Variants in LRRTM4 observed in about 807,000 individuals in gnomAD.
LRRTM4 encodes the protein leucine-rich repeat transmembrane neuronal protein 4.
A neutral mutation model predicts 47.6 loss-of-function variants in LRRTM4; 25 were observed. The observed-to-expected ratio is 0.53, with a 90% CI of 0.38 to 0.73. LRRTM4 has a LOEUF of 0.73. LRRTM4 is among the 30% of genes least tolerant of loss of function. The pLI is 0.00. For synonymous variants in LRRTM4, 311 were observed against 269.5 expected (o/e 1.15, Z -1.51); for missense variants, 638 against 713.4 (o/e 0.89, Z 1.20).
At position 77,081,455 on chromosome 2, in the gene LRRTM4, G is replaced by C. The variant is rs535141693; in HGVS notation, c.1552-332539C>G. On this transcript the variant is annotated intron_variant, in intron 3 of 3. Transcript: ENST00000409884. ...CATAGAAAGTTAATGAATAGAAAAT[G>C]AAATAAAAATCACTGATATATATAT... Among the ~76,000 whole-genome samples, 23 of 151,772 alleles carry C rather than the reference G, an allele frequency of 1.5e-4. 1 individual carries two copies. In the South Asian group the frequency reaches 4.4e-3, roughly 29 times the overall value.
At chr2:76,779,193 G>T (rs568919002) in intron 3 of LRRTM4, among the ~76,000 whole-genome samples, 13 of 151,978 alleles carry the variant, frequency 8.6e-5, no homozygotes, top group Admixed American at 3.3e-4. Context: ...ATGTGGTCAT[G>T]TTTGGAATAG....
intron 3 of LRRTM4, among the ~76,000 whole-genome samples, chr2:77,284,665 G>C (rs902367994): frequency 1.3e-5 from 2 of 152,106 alleles, no homozygotes; most frequent in Non-Finnish European, 2.9e-5. Flanking sequence ...CTAGAAGTTA[G>C]TGATGGAGTT....
At chr2:77,352,626 T>C (rs1671827813) in intron 3 of LRRTM4, among the ~76,000 whole-genome samples, 1 of 152,104 alleles carries the variant, frequency 6.6e-6, no homozygotes, top group Non-Finnish European at 1.5e-5. Flanking sequence ...ATGTGAGTTA[T>C]TGGTCTAAAT....
At chr2:77,352,103 A>G (rs1298361438) in intron 3 of LRRTM4, among the ~76,000 whole-genome samples, 1 of 152,154 alleles carries the variant, frequency 6.6e-6, no homozygotes, top group African/African-American at 2.4e-5. Flanking sequence ...ATGAGGGAAG[A>G]TTCTATTATT....
At chr2:77,094,037 G>A (rs926147808) in intron 3 of LRRTM4, among the ~76,000 whole-genome samples, 40 of 151,924 alleles carry the variant, frequency 2.6e-4, no homozygotes, top group African/African-American at 9.7e-4. Flanking sequence ...GATTGTTTCT[G>A]TTTGCTGATG....
rs534845098 is a variant in LRRTM4, at chr2:77,075,818, G to A, written c.1552-326902C>T. Among the ~76,000 whole-genome samples, 41 of 145,336 alleles carry A rather than the reference G, an allele frequency of 2.8e-4. 1 individual carries two copies. The highest frequency in any genetic ancestry group is 1.4e-3 in the Admixed American group (20 of 14,352). ...TAGTCCCAGCTACTTGGGAGGCTGA[G>A]GCAGGAGAATGGCGTGAACCCGGGA... On this transcript the variant is annotated intron_variant, in intron 3 of 3. Transcript: ENST00000409884.
intron 3 of LRRTM4, among the ~76,000 whole-genome samples, chr2:76,988,722 C>A (rs987531264): frequency 6.6e-6 from 1 of 151,780 alleles, no homozygotes; most frequent in African/African-American, 2.4e-5. Context: ...CAAGAACTCT[C>A]GTCAGTTCCA....
At chr2:77,361,119 C>T (rs1194122142) in intron 3 of LRRTM4, among the ~76,000 whole-genome samples, 3 of 151,968 alleles carry the variant, frequency 2.0e-5, no homozygotes, top group Non-Finnish European at 4.4e-5. Context: ...CAATATGTCC[C>T]TAGTTGGTTC....
At chr2:76,938,827 A>C (rs1195070685) in intron 3 of LRRTM4, among the ~76,000 whole-genome samples, 2 of 152,148 alleles carry the variant, frequency 1.3e-5, no homozygotes, top group Admixed American at 1.3e-4. Context: ...AAAATATTTC[A>C]AATTATTCAT....
intron 3 of LRRTM4, among the ~76,000 whole-genome samples, chr2:76,903,696 A>T (rs1160452601): frequency 6.6e-6 from 1 of 152,250 alleles, no homozygotes; most frequent in Non-Finnish European, 1.5e-5. Flanking sequence ...TGTAACTAGG[A>T]TAAATCAAAA....
intron 3 of LRRTM4, among the ~76,000 whole-genome samples, chr2:77,171,114 C>A (rs936344630): frequency 6.6e-6 from 1 of 151,750 alleles, no homozygotes; most frequent in African/African-American, 2.4e-5. Flanking sequence ...TTTGACGGTA[C>A]CAGCTTAATG....
chr2:76,770,839 C>T (rs999728548), intron 3 of LRRTM4, among the ~76,000 whole-genome samples: 10 of 152,132 alleles, frequency 6.6e-5, no homozygotes, highest in South Asian at 4.1e-4. Context: ...AATTGTTTCT[C>T]GATCCCTTGG....
intron 3 of LRRTM4, among the ~76,000 whole-genome samples, chr2:76,998,155 C>G (rs1677270417): frequency 6.6e-6 from 1 of 152,108 alleles, no homozygotes; most frequent in African/African-American, 2.4e-5. Context: ...CTCCCCATGT[C>G]TGTGGAAAAA....
At chr2:76,989,828 G>A (rs1676941134) in intron 3 of LRRTM4, 2 of 151,780 alleles carry the variant, frequency 1.3e-5, no homozygotes, top group East Asian at 1.9e-4. Flanking sequence ...AAGTATTTAA[G>A]ATTTGGTTTA....
intron 3 of LRRTM4, among the ~76,000 whole-genome samples, chr2:77,189,159 T>C (rs910222736): frequency 2.0e-5 from 3 of 151,972 alleles, no homozygotes; most frequent in Non-Finnish European, 4.4e-5. Flanking sequence ...TAGTAATGAA[T>C]AAAAAGTAAA....
chr2:76,881,770 C>CCA (rs1208934875), intron 3 of LRRTM4, among the ~76,000 whole-genome samples: 1 of 151,814 alleles, frequency 6.6e-6, no homozygotes, highest in African/African-American at 2.4e-5. Flanking sequence ...CATTTTTGTT[C>CCA]CAGCATATAT....
chr2:77,307,091 G>A (rs1040332640), intron 3 of LRRTM4, among the ~76,000 whole-genome samples: 9 of 151,436 alleles, frequency 5.9e-5, no homozygotes, highest in East Asian at 1.9e-4. Context: ...TAGTAGAGAC[G>A]GGGTTTCACT....
intron 3 of LRRTM4, among the ~76,000 whole-genome samples, chr2:77,307,998 A>AAT (rs568968057): frequency 0.04 from 5,303 of 133,494 alleles, 611 homozygotes; most frequent in African/African-American, 0.15. Flanking sequence ...ATAGATATAT[A>AAT]CAACATATAT....
At chr2:77,017,077 C>G (rs1678097663) in intron 3 of LRRTM4, among the ~76,000 whole-genome samples, 1 of 152,056 alleles carries the variant, frequency 6.6e-6, no homozygotes, top group African/African-American at 2.4e-5. Context: ...GAAGCAACAC[C>G]TGGTTGCAGG....
Sources: gnomAD v4.1 joint callset for allele counts (sites outside exome capture counted in the v4.1 genomes callset) on GRCh38, gnomAD v4.1.1 for gene constraint, MANE v1.5 for transcripts, NCBI Gene and HGNC (gene_info 2026-07-23, HGNC 2026-07-21) for gene names.